Variants in PINX1 observed in about 807,000 individuals in gnomAD.
The protein encoded by PINX1 is PIN2 (TERF1) interacting telomerase inhibitor 1, also known as PIN2/TERF1-interacting telomerase inhibitor 1.
Under a neutral mutation model 25.4 loss-of-function variants are expected in PINX1, and 34 were observed. The ratio of observed to expected loss-of-function variants is 1.34; its 90% CI spans 1.02 to 1.78. The LOEUF is 1.78. Ranked by LOEUF, PINX1 falls within the 40% of genes most tolerant of loss-of-function variation. The pLI, the probability that PINX1 is intolerant of heterozygous loss-of-function variation, is 0.00. For synonymous variants in PINX1, 197 were observed against 147.7 expected (o/e 1.33, Z -2.42); for missense variants, 592 against 404.9 (o/e 1.46, Z -3.97).
At chr8:10,778,700 C>G (rs184931553) in intron 6 of PINX1, among the ~76,000 whole-genome samples, 70 of 152,276 alleles carry the variant, frequency 4.6e-4, no homozygotes, top group Admixed American at 1.3e-3. Context: ...ATCCTGGAAC[C>G]CTTTTTGGTA....
chr8:10,835,451 G>C (rs1454480095), intron 1 of PINX1, among the ~76,000 whole-genome samples: 1 of 152,188 alleles, frequency 6.6e-6, no homozygotes, highest in Non-Finnish European at 1.5e-5. Flanking sequence ...TAGTCATTAT[G>C]CTCTTGGGGA....
Position 10,831,725 on chromosome 8 carries a change from G to A in PINX1, c.241C>T (p.Gln81Ter). The change falls in exon 4 of 7, where the codon CAG becomes TAG. Residue 81 changes from glutamine (Q) to a stop codon, truncating the protein, a stop_gained. Coordinates refer to ENST00000314787, the MANE Select transcript of PINX1 (RefSeq NM_017884.6). LOFTEE classifies it high-confidence loss of function. The part of the protein sequence containing the change: ...INNEDNWIAH[Q>*]DDFNQLLAEL... The stretch of plus-strand genomic sequence containing the variant: ...GCCAGAAGCTGGTTAAAATCATCCT[G>A]ATGGGCAATCCAGTTGTCCTGAAAA... 1.9e-6 allele frequency: 3 copies of A among 1,594,694 alleles called. No individual in the cohort carries two copies. The highest frequency in any genetic ancestry group is 2.6e-6 in the Non-Finnish European group (3 of 1,168,030).
intron 6 of PINX1, among the ~76,000 whole-genome samples, chr8:10,788,332 C>G (rs6998658): frequency 0.33 from 50,489 of 152,076 alleles, 9,443 homozygotes; most frequent in Non-Finnish European, 0.43. Context: ...GAGGCCAAGG[C>G]AGGCAGATCA....
Position 10,766,014 on chromosome 8 carries a change from C to T in PINX1, c.472-98G>A, listed in dbSNP as rs549707380. On this transcript the variant is annotated intron_variant, in intron 6 of 6. Coordinates refer to ENST00000314787, the MANE Select transcript of PINX1 (RefSeq NM_017884.6). ...CACACCCGGCGCTCACACCTGGCACCCACACCCGGCGCTCACACCCGGCAC... is the reference window on the plus strand; with the variant it reads ...CACACCCGGCGCTCACACCTGGCACTCACACCCGGCGCTCACACCCGGCAC... 10 of 1,193,788 alleles carry T rather than the reference C, an allele frequency of 8.4e-6. 1 individual carries two copies. The East Asian group carries it at 1.4e-4, about 17-fold the overall frequency. The allele number at this position is 1,193,788 out of a possible 1,614,324, so 73.9% of individuals were successfully genotyped here.
chr8:10,813,269 C>T (rs757413242), intron 6 of PINX1, among the ~76,000 whole-genome samples: 4 of 152,114 alleles, frequency 2.6e-5, no homozygotes, highest in Non-Finnish European at 4.4e-5. Flanking sequence ...GGGGATCCAC[C>T]TCCTATAAAC....
chr8:10,826,620 G>T (rs1359238999), intron 4 of PINX1, among the ~76,000 whole-genome samples: 1 of 152,174 alleles, frequency 6.6e-6, no homozygotes, highest in Non-Finnish European at 1.5e-5. Context: ...GTGAATGCAT[G>T]AACAGCTGAG....
At chr8:10,815,226 G>A (rs950160758) in intron 6 of PINX1, among the ~76,000 whole-genome samples, 11 of 152,342 alleles carry the variant, frequency 7.2e-5, no homozygotes, top group African/African-American at 2.6e-4. Flanking sequence ...ATAGGCACGA[G>A]CCACTGTGCC....
chr8:10,765,722 T>C lies in PINX1; in HGVS notation c.666A>G (p.Lys222=). ...GKKRNKEATG[K]DVESYLQPKA... is the part of the protein sequence containing the mutation. ...TAGGCTGGAGGTAACTTTCCACATC[T>C]TTACCTGTGGCCTCTTTATTTCTTT... is the stretch of plus-strand genomic sequence containing the variant. The change falls in exon 7 of 7, where the codon AAA becomes AAG. Residue 222 remains lysine, a synonymous_variant. Transcript: ENST00000314787. 1 of 1,613,984 alleles carries C rather than the reference T, an allele frequency of 6.2e-7. No homozygotes were observed.
chr8:10,780,141 T>G lies in PINX1; in HGVS notation c.472-14225A>C, dbSNP rs181422187. On this transcript the variant is annotated intron_variant, in intron 6 of 6. Coordinates refer to ENST00000314787, the MANE Select transcript of PINX1 (RefSeq NM_017884.6). ...GGTAGTCTTTGGGGTTTTCTACATA[T>G]AGGATCAGGTCATCTGCAAACGAGA... Among the ~76,000 whole-genome samples, 1,210 of 152,318 alleles carry G rather than the reference T, an allele frequency of 7.9e-3. 7 individuals carry two copies. Among genetic ancestry groups the G allele is most frequent in the Middle Eastern group, 0.014 (4 of 294 alleles).
At chr8:10,776,402 G>A (rs1801395341) in intron 6 of PINX1, among the ~76,000 whole-genome samples, 1 of 151,332 alleles carries the variant, frequency 6.6e-6, no homozygotes, top group South Asian at 2.1e-4. Flanking sequence ...TCCGGCCTGG[G>A]TAACAGAGTG....
At chr8:10,831,238 G>A (rs1798218069) in intron 4 of PINX1, among the ~76,000 whole-genome samples, 1 of 152,198 alleles carries the variant, frequency 6.6e-6, no homozygotes, top group African/African-American at 2.4e-5. Context: ...AAAGAGTTGA[G>A]CTCATAAAAG....
intron 6 of PINX1, among the ~76,000 whole-genome samples, chr8:10,806,406 T>C (rs1255926596): frequency 6.8e-6 from 1 of 146,832 alleles, no homozygotes; most frequent in Non-Finnish European, 1.6e-5. Flanking sequence ...GAGTAAGTTT[T>C]TGTGTTTTCT....
chr8:10,765,202 T>A lies in PINX1; in HGVS notation c.*199A>T, dbSNP rs1800989557. 3.6e-6 allele frequency: 2 copies of A among 555,762 alleles called. No individual in the cohort carries two copies. The highest frequency in any genetic ancestry group is 3.5e-5 in the Admixed American group (1 of 28,626). 34.4% of individuals were successfully genotyped at this position (555,762 alleles called of 1,614,324 possible). On this transcript the variant is annotated 3_prime_UTR_variant, in exon 7 of 7. Coordinates refer to ENST00000314787, the MANE Select transcript of PINX1 (RefSeq NM_017884.6). ...TTTATTTGTGTCTGAGAGCCACGAT[T>A]GAGAACATTAAAAAGGTCCTCCTGG...
At chr8:10,816,820 G>C (rs951063422) in intron 6 of PINX1, among the ~76,000 whole-genome samples, 2 of 123,952 alleles carry the variant, frequency 1.6e-5, no homozygotes, top group East Asian at 4.1e-4. Flanking sequence ...GCTGATTTTG[G>C]AATTGGACGG....
intron 6 of PINX1, among the ~76,000 whole-genome samples, chr8:10,792,395 G>T (rs897643383): frequency 6.6e-6 from 1 of 151,996 alleles, no homozygotes; most frequent in Non-Finnish European, 1.5e-5. Flanking sequence ...CGGGGGCCAC[G>T]TGCACACCTT....
chr8:10,811,572 G>C (rs2409657), intron 6 of PINX1, among the ~76,000 whole-genome samples: 3,269 of 152,268 alleles, frequency 0.021, 135 homozygotes, highest in African/African-American at 0.074. Flanking sequence ...AGGAAGGGCT[G>C]GGCTGGGCAG....
chr8:10,815,938 G>C (rs1426592823), intron 6 of PINX1, among the ~76,000 whole-genome samples: 1 of 152,158 alleles, frequency 6.6e-6, no homozygotes. Flanking sequence ...TTAGCACTGG[G>C]TAGTGACCCC....
chr8:10,807,654 G>A (rs1451231355), intron 6 of PINX1, among the ~76,000 whole-genome samples: 1 of 152,088 alleles, frequency 6.6e-6, no homozygotes, highest in Non-Finnish European at 1.5e-5. Flanking sequence ...CTGCAACAAT[G>A]GCTATCAGAA....
intron 5 of PINX1, among the ~76,000 whole-genome samples, chr8:10,825,042 C>T (rs768844198): frequency 1.3e-5 from 2 of 152,176 alleles, no homozygotes; most frequent in Non-Finnish European, 2.9e-5. Context: ...GGAAGAGCCA[C>T]GGCTGCTGGA....
Sources: allele counts gnomAD v4.1 joint callset (sites outside exome capture counted in the v4.1 genomes callset), GRCh38; gene constraint gnomAD v4.1.1; transcripts MANE v1.5; gene names NCBI Gene and HGNC (gene_info 2026-07-23, HGNC 2026-07-21).